The following DNAI7 variants were observed in gnomAD, a reference collection of about 807,000 sequenced individuals.
DNAI7 encodes dynein axonemal intermediate chain 7.
In DNAI7, 78 loss-of-function variants were observed where a neutral mutation model predicts 86.6. The observed-to-expected ratio is 0.90, with a 90% CI of 0.75 to 1.09. The LOEUF is 1.09. DNAI7 is among the 50% of genes least tolerant of loss of function. DNAI7 has a pLI of 0.00. For synonymous variants in DNAI7, 274 were observed against 273.0 expected, an observed-to-expected ratio of 1.00 and a Z score of -0.04; for missense variants, 753 against 810.2, an observed-to-expected ratio of 0.93 and a Z score of 0.86.
rs2140887503 is a variant in DNAI7 at position 25,146,995 on chromosome 12, G to A, written c.689+6C>T. ...CCTACAGGGAAAGTATTGCCCACAA[G>A]GGTACCTTGGATTCTTCTTGAGGTT... On this transcript the variant is annotated splice_donor_region_variant and intron_variant, in intron 8 of 15. Coordinates refer to ENST00000395987, the MANE Select transcript of DNAI7 (RefSeq NM_018272.5). The A allele has an allele frequency of 2.0e-6, 3 of 1,466,386 alleles. No individual in the cohort carries two copies. Among genetic ancestry groups the A allele is most frequent in the Non-Finnish European group, 1.9e-6 (2 of 1,046,610 alleles). 90.8% of individuals were successfully genotyped at this position (1,466,386 alleles called of 1,614,324 possible). A position where few individuals can be genotyped will look rare whatever the true frequency, so the allele number is the denominator to read the frequency against.
chr12:25,143,885 T>A (rs565115017), intron 9 of DNAI7, among the ~76,000 whole-genome samples: 1 of 152,302 alleles, frequency 6.6e-6, no homozygotes, highest in African/African-American at 2.4e-5. Context: ...AATATGATTA[T>A]TAAATTGGTC....
Position 25,111,933 on chromosome 12 carries a change from G to C in DNAI7, c.1618C>G (p.Leu540Val). 6.4e-7 allele frequency: 1 copy of C among 1,570,844 alleles called. No homozygotes were observed. The highest frequency in any genetic ancestry group is 8.6e-7 in the Non-Finnish European group (1 of 1,162,516). ...TEIQIQIKEN[L>V]CMLSSIKLKD... ...AGTTTGATTGAAGATAACATGCAGA[G>C]GTTTTCCTAGTTTAAATAAGAAAAA... Residue 540 changes from leucine to valine, a missense_variant, in exon 14 of 16, where the codon CTC becomes GTC. Leu to Val is a conservative substitution (Grantham distance 32). Coordinates refer to ENST00000395987, the MANE Select transcript of DNAI7 (RefSeq NM_018272.5).
intron 11 of DNAI7, 28 bp downstream of exon 11, chr12:25,121,725 A>T: frequency 1.3e-6 from 2 of 1,564,176 alleles, no homozygotes; most frequent in Non-Finnish European, 1.7e-6. Context: ...TATTTTACTT[A>T]TAAGTTTTGA....
chr12:25,134,305 A>T (rs1943277262), intron 9 of DNAI7, among the ~76,000 whole-genome samples: 1 of 150,134 alleles, frequency 6.7e-6, no homozygotes, highest in Non-Finnish European at 1.5e-5. Context: ...CTCAAATTTG[A>T]TAAAATGTGC....
Position 25,155,312 on chromosome 12 carries a change from T to G in DNAI7, c.299A>C (p.Gln100Pro). 2 of 1,564,752 alleles carry G rather than the reference T, an allele frequency of 1.3e-6. No homozygotes were observed. Among genetic ancestry groups the G allele is most frequent in the Non-Finnish European group, 1.8e-6 (2 of 1,138,328 alleles). ...KLKQETKLLS[Q>P]WKHYIQCDGS... The stretch of plus-strand genomic sequence containing the variant: ...CTAAAAAAGAGAAATCAGTCCTACC[T>G]GAGAAAGCAATTTAGTTTCCTGTTT... The change falls in exon 5 of 16, where the codon CAG (glutamine) becomes CCG (proline). Residue 100 changes from glutamine to proline, a missense_variant and splice_region_variant. Physicochemically the swap from Gln to Pro is moderately conservative, Grantham distance 76. Coordinates refer to ENST00000395987, the MANE Select transcript of DNAI7 (RefSeq NM_018272.5).
intron 2 of DNAI7, among the ~76,000 whole-genome samples, chr12:25,170,939 G>T (rs945959396): frequency 2.0e-5 from 3 of 152,146 alleles, no homozygotes; most frequent in African/African-American, 7.2e-5. Flanking sequence ...TGACAGTAAT[G>T]AAATTTCCTA....
At chr12:25,172,260 T>A (rs1948221600) in intron 2 of DNAI7, among the ~76,000 whole-genome samples, 1 of 152,132 alleles carries the variant, frequency 6.6e-6, no homozygotes, top group South Asian at 2.1e-4. Context: ...AGTTTCAGGA[T>A]ACAAGATTAA....
chr12:25,124,709 T>G (rs570436652), intron 9 of DNAI7, among the ~76,000 whole-genome samples: 1 of 152,238 alleles, frequency 6.6e-6, no homozygotes, highest in South Asian at 2.1e-4. Context: ...GTACAGATTA[T>G]CTCATCACCT....
At chr12:25,168,505 G>A (rs1027624423) in intron 2 of DNAI7, among the ~76,000 whole-genome samples, 2 of 152,120 alleles carry the variant, frequency 1.3e-5, no homozygotes, top group African/African-American at 4.8e-5. Flanking sequence ...TAGCATCACA[G>A]ACATCCCACA....
Position 25,118,017 on chromosome 12 carries a change from T to C in DNAI7, c.1396+1128A>G, listed in dbSNP as rs1409929388. ...GGCGCAATCTCGGCTCACTGCAACCTCCACCTCCCAGGTTCAAGCAATTCT... is the reference window on the plus strand; with the variant it reads ...GGCGCAATCTCGGCTCACTGCAACCCCCACCTCCCAGGTTCAAGCAATTCT... On this transcript the variant is annotated intron_variant, in intron 12 of 15. Coordinates refer to ENST00000395987, the MANE Select transcript of DNAI7 (RefSeq NM_018272.5). 4.2e-5 allele frequency among the ~76,000 whole-genome samples: 6 copies of C among 143,618 alleles called. No individual in the cohort carries two copies. The South Asian group carries it at 1.2e-3, about 28-fold the overall frequency. 94.2% of individuals were successfully genotyped at this position (143,618 alleles called of 152,430 possible). A position where few individuals can be genotyped will look rare whatever the true frequency, so the allele number is the denominator to read the frequency against.
At chr12:25,169,847 C>CCA (rs1332962822) in intron 2 of DNAI7, among the ~76,000 whole-genome samples, 1 of 66,710 alleles carries the variant, frequency 1.5e-5, no homozygotes, top group African/African-American at 3.9e-5. Context: ...GACTCTGTCT[C>CCA]AAAAAAAAAA....
chr12:25,108,731 C>T lies in DNAI7; in HGVS notation c.1986G>A (p.Lys662=), dbSNP rs1949459258. Residue 662 remains lysine, a synonymous_variant, in exon 16 of 16, where the codon AAG becomes AAA. Coordinates refer to ENST00000395987, the MANE Select transcript of DNAI7 (RefSeq NM_018272.5). ...CTTCAGAAAATGCCTCACTCTCTTC[C>T]TTGATCTTCAGTCTTTGTGCTCTGT... ...SGDRAQRLKI[K]EESEAFSEAL... is the part of the protein sequence containing the mutation. 1 of 1,602,076 alleles carries T rather than the reference C, an allele frequency of 6.2e-7. No homozygotes were observed. Among genetic ancestry groups the T allele is most frequent in the African/African-American group, 1.4e-5 (1 of 73,204 alleles).
intron 7 of DNAI7, 150 bp from the exon 8 acceptor site, chr12:25,147,254 C>A (rs1944974021): frequency 5.5e-6 from 3 of 543,776 alleles, no homozygotes; most frequent in Admixed American, 3.6e-5. Flanking sequence ...ATCAACATGA[C>A]AAAGAATTGT....
chr12:25,121,694 T>G, intron 11 of DNAI7, 59 bp downstream of exon 11: 1 of 1,344,654 alleles, frequency 7.4e-7, no homozygotes, highest in Non-Finnish European at 1.0e-6. Flanking sequence ...TAATATGAAA[T>G]AAAGTAAAAG....
intron 2 of DNAI7, among the ~76,000 whole-genome samples, chr12:25,183,218 T>C (rs546228115): frequency 1.3e-5 from 2 of 151,680 alleles, no homozygotes; most frequent in South Asian, 2.1e-4. Flanking sequence ...CAATAGACAC[T>C]GGGGACTCTA....
chr12:25,120,278 G>A (rs1216048823), intron 11 of DNAI7, among the ~76,000 whole-genome samples: 3 of 148,146 alleles, frequency 2.0e-5, no homozygotes, highest in African/African-American at 7.4e-5. Context: ...AGGTGTGTTA[G>A]GGGAGAGAGG....
intron 2 of DNAI7, among the ~76,000 whole-genome samples, chr12:25,174,388 G>A (rs1156708945): frequency 0.026 from 15 of 576 alleles, 6 homozygotes; most frequent in African/African-American, 0.071. Context: ...CATATATATG[G>A]GATATATCAT....
At chr12:25,131,622 G>T (rs1293335815) in intron 9 of DNAI7, among the ~76,000 whole-genome samples, 1 of 152,160 alleles carries the variant, frequency 6.6e-6, no homozygotes, top group Non-Finnish European at 1.5e-5. Flanking sequence ...ATCCGTAAAG[G>T]TAGCAGAAGT....
In DNAI7 at chr12:25,125,070, CA is replaced by C. The variant is rs1263527752; in HGVS notation, c.1003-1785del. Among the ~76,000 whole-genome samples, 24 of 152,286 alleles carry C rather than the reference CA, an allele frequency of 1.6e-4. 1 individual carries two copies. In the East Asian group the frequency reaches 3.9e-3, roughly 24 times the overall value. ...GTCTCTGCTATTGTGAAGAGTGCTA[CA>C]ATGAACATTCACGTTCATGTGACTT... On this transcript the variant is annotated intron_variant, in intron 9 of 15. Coordinates refer to ENST00000395987, the MANE Select transcript of DNAI7 (RefSeq NM_018272.5).
Sources: allele counts gnomAD v4.1 joint callset (sites outside exome capture counted in the v4.1 genomes callset), GRCh38; gene constraint gnomAD v4.1.1; transcripts MANE v1.5; gene names NCBI Gene and HGNC (gene_info 2026-07-23, HGNC 2026-07-21).